Variants in CYGB observed in about 807,000 individuals in gnomAD.
The protein encoded by CYGB is cytoglobin.
CYGB carries 13 observed loss-of-function variants against 20.7 expected under a neutral mutation model. That is an observed-to-expected ratio of 0.63 (90% CI 0.41 to 1.00). The LOEUF (loss-of-function observed/expected upper bound fraction) is 1.00. CYGB is among the 50% of genes least tolerant of loss of function. The pLI is 0.00. For missense variants in CYGB, 218 were observed against 257.2 expected (o/e 0.85, Z 1.04); for synonymous variants, 93 against 107.4 (o/e 0.87, Z 0.83).
In CYGB at chr17:76,531,705, C is replaced by A; in HGVS notation, c.144-14G>T. The A allele has an allele frequency of 6.4e-7, 1 of 1,573,174 alleles. No homozygotes were observed. The highest frequency in any genetic ancestry group is 8.7e-7 in the Non-Finnish European group (1 of 1,151,564). On this transcript the variant is annotated splice_polypyrimidine_tract_variant and intron_variant, in intron 1 of 3. Coordinates refer to ENST00000293230, the MANE Select transcript of CYGB (RefSeq NM_134268.5). The surrounding 1 kb of genome is among the most constrained non-coding windows in gnomAD (Gnocchi z 7.4). ...TTCACAAAGAACCTGGCAAGAGGAA[C>A]AGGGGTGGTCGCTGAAGCTGGAGGC...
At chr17:76,538,498 A>C (rs2074949709), upstream of CYGB, 1 of 466,866 alleles carries the variant, frequency 2.1e-6, no homozygotes, top group South Asian at 1.6e-5. Context: ...CTTATGAATG[A>C]CACGGACAGG....
chr17:76,543,779 T>G (rs2075019848), intron 1 of CYGB: 1 of 470,632 alleles, frequency 2.1e-6, no homozygotes, highest in Non-Finnish European at 4.4e-6. Flanking sequence ...GGCACTCGCT[T>G]TTGTGTCATT....
chr17:76,541,190 C>G (rs1567911599), upstream of CYGB, among the ~76,000 whole-genome samples: 1 of 152,120 alleles, frequency 6.6e-6, no homozygotes, highest in African/African-American at 2.4e-5. Context: ...CAGTGTCGTT[C>G]GATGATAGGG....
Position 76,528,537 on chromosome 17 carries a change from T to C in CYGB, c.*41A>G. The C allele has an allele frequency of 7.8e-7, 1 of 1,277,286 alleles. No homozygotes were observed. Among genetic ancestry groups the C allele is most frequent in the Non-Finnish European group, 1.0e-6 (1 of 1,001,500 alleles). The allele number at this position is 1,277,286 out of a possible 1,614,324, so 79.1% of individuals were successfully genotyped here. On this transcript the variant is annotated 3_prime_UTR_variant, in exon 4 of 4. Transcript: ENST00000293230. The surrounding 1 kb of genome is among the most constrained non-coding windows in gnomAD (Gnocchi z 5.8). ...GGAGGGTCTTCAGAACTCGGCCTTC[T>C]GCTCGAGGTGCTGCCAGGGAGGGGG...
intron 3 of CYGB, chr17:76,529,719 T>TG (rs2074812237): frequency 4.7e-5 from 46 of 984,938 alleles, no homozygotes; most frequent in Non-Finnish European, 5.4e-5. Flanking sequence ...TGACAGCTGG[T>TG]GGGGGGTGAG....
At position 76,533,581 on chromosome 17, in the gene CYGB, G is replaced by T. The variant is rs911658553; in HGVS notation, c.144-1890C>A. ...TCTACAAAATACAAAAAATTAGCCA[G>T]GTGTGGTGGCACACACCTTTGATTC... On this transcript the variant is annotated intron_variant, in intron 1 of 3. Transcript: ENST00000293230. The surrounding 1 kb of genome is among the most constrained non-coding windows in gnomAD (Gnocchi z 4.5). 2.0e-5 allele frequency among the ~76,000 whole-genome samples: 3 copies of T among 151,866 alleles called. No homozygotes were observed. The highest frequency in any genetic ancestry group is 7.3e-5 in the African/African-American group (3 of 41,306).
intron 1 of CYGB, among the ~76,000 whole-genome samples, chr17:76,534,162 C>CTCTCTG (rs2074887237): frequency 6.7e-6 from 1 of 148,384 alleles, no homozygotes; most frequent in East Asian, 1.9e-4. Flanking sequence ...CTCTCTCTCT[C>CTCTCTG]TCTCTCTCTC....
chr17:76,527,945 C>A lies in CYGB; in HGVS notation c.*633G>T, dbSNP rs925479038. ...AAGGGGCTGGGCTTTGCCGCCAAGC[C>A]GGGTTGCCCCAGCCCTGCCCCTCCA... On this transcript the variant is annotated 3_prime_UTR_variant, in exon 4 of 4. Coordinates refer to ENST00000293230, the MANE Select transcript of CYGB (RefSeq NM_134268.5). The A allele has an allele frequency of 3.4e-4, 131 of 387,280 alleles. 1 individual carries two copies. Among genetic ancestry groups the A allele is most frequent in the South Asian group, 2.4e-3 (127 of 53,940 alleles). 24.0% of individuals were successfully genotyped at this position (387,280 alleles called of 1,614,324 possible). A position where few individuals can be genotyped will look rare whatever the true frequency, so the allele number is the denominator to read the frequency against.
upstream of CYGB, among the ~76,000 whole-genome samples, chr17:76,542,009 T>C (rs2074997620): frequency 6.6e-6 from 1 of 152,168 alleles, no homozygotes; most frequent in South Asian, 2.1e-4. Flanking sequence ...ATTAAGTCAC[T>C]CGGGAGGCTC....
chr17:76,536,500 C>A (rs2074915678), intron 1 of CYGB, among the ~76,000 whole-genome samples: 1 of 152,176 alleles, frequency 6.6e-6, no homozygotes, highest in Admixed American at 6.5e-5. Flanking sequence ...CCCCAGGGAC[C>A]AGCACGTGTG....
chr17:76,540,258 GGGGGGCAT>G, upstream of CYGB: 1 of 1,100,862 alleles, frequency 9.1e-7, no homozygotes, highest in Non-Finnish European at 1.4e-6. This position sits in a 1 kb window ranked among gnomAD's most constrained non-coding sequence, Gnocchi z 5.0. Context: ...GGTCGGGGGG[GGGGGGCAT>G]GGGGCTGGGC....
At position 76,533,905 on chromosome 17, in the gene CYGB, T is replaced by C. The variant is rs949497370; in HGVS notation, c.144-2214A>G. ...AATTGGCTGGGTGTGGTGGTGCCCG[T>C]CTGTAGTCCTAGCTACTTGGGAGGC... On this transcript the variant is annotated intron_variant, in intron 1 of 3. Coordinates refer to ENST00000293230, the MANE Select transcript of CYGB (RefSeq NM_134268.5). This position sits in a 1 kb window ranked among gnomAD's most constrained non-coding sequence, Gnocchi z 4.5. Among the ~76,000 whole-genome samples, 2 of 151,838 alleles carry C rather than the reference T, an allele frequency of 1.3e-5. No individual in the cohort carries two copies. The highest frequency in any genetic ancestry group is 2.9e-5 in the Non-Finnish European group (2 of 67,954).
chr17:76,540,254 GGGGGGGGGGCA>G, upstream of CYGB: 2 of 887,856 alleles, frequency 2.3e-6, no homozygotes, highest in Non-Finnish European at 3.4e-6. The surrounding 1 kb of genome is among the most constrained non-coding windows in gnomAD (Gnocchi z 5.0). Context: ...GGTTGGTCGG[GGGGGGGGGGCA>G]TGGGGCTGGG....
At position 76,546,270 on chromosome 17, in the gene CYGB, G is replaced by T. The variant is rs1413691771; in HGVS notation, c.-53+4592C>A. The T allele has an allele frequency of 6.6e-6, 1 of 152,126 alleles. No homozygotes were observed. Among genetic ancestry groups the T allele is most frequent in the African/African-American group, 2.4e-5 (1 of 41,400 alleles). 9.4% of individuals were successfully genotyped at this position (152,126 alleles called of 1,614,324 possible). Reference sequence around the variant, plus strand: ...TGCTCCTGCAACTGAGGCTCAGAGCGGCTGCCAGTCTCTCCTGGAGACTGG... The same window carrying T: ...TGCTCCTGCAACTGAGGCTCAGAGCTGCTGCCAGTCTCTCCTGGAGACTGG... On this transcript the variant is annotated intron_variant, in intron 1 of 3. Coordinates refer to the CYGB transcript ENST00000589145. The surrounding 1 kb of genome is among the most constrained non-coding windows in gnomAD (Gnocchi z 4.5).
intron 1 of CYGB, among the ~76,000 whole-genome samples, chr17:76,534,723 C>T (rs1355855299): frequency 6.6e-6 from 1 of 152,232 alleles, no homozygotes; most frequent in Non-Finnish European, 1.5e-5. Flanking sequence ...AGTTTCCCTA[C>T]ACTGCCTGGA....
intron 1 of CYGB, among the ~76,000 whole-genome samples, chr17:76,549,421 A>G (rs2075086313): frequency 6.6e-6 from 1 of 152,226 alleles, no homozygotes; most frequent in Admixed American, 6.5e-5. Flanking sequence ...GCAAATCAAA[A>G]GCCCAATGAC....
chr17:76,535,211 C>G (rs182680481), intron 1 of CYGB, among the ~76,000 whole-genome samples: 2 of 152,354 alleles, frequency 1.3e-5, no homozygotes, highest in African/African-American at 2.4e-5. Flanking sequence ...GGAAGTGCAG[C>G]TGCCTCCTTC....
At chr17:76,539,140 G>T (rs1010994398), upstream of CYGB, among the ~76,000 whole-genome samples, 1 of 152,052 alleles carries the variant, frequency 6.6e-6, no homozygotes, top group Non-Finnish European at 1.5e-5. Flanking sequence ...AGGGGAGCGG[G>T]TGGGTTCAGG....
In CYGB at chr17:76,530,466, G is replaced by A. The variant is rs1444561351; in HGVS notation, c.539+513C>T. On this transcript the variant is annotated intron_variant, in intron 3 of 3. Coordinates refer to ENST00000293230, the MANE Select transcript of CYGB (RefSeq NM_134268.5). This position sits in a 1 kb window ranked among gnomAD's most constrained non-coding sequence, Gnocchi z 6.1. The stretch of plus-strand genomic sequence containing the variant: ...TGAGCGACACCCATGTAGCTTCCTC[G>A]TGGGCTGGGGTGTGTGTGTGTGTGT... 2.6e-5 allele frequency among the ~76,000 whole-genome samples: 4 copies of A among 152,310 alleles called. No individual in the cohort carries two copies. The highest frequency in any genetic ancestry group is 1.3e-4 in the Admixed American group (2 of 15,306).
Sources: gnomAD v4.1 joint callset for allele counts (sites outside exome capture counted in the v4.1 genomes callset) on GRCh38, gnomAD v4.1.1 for gene constraint, Gnocchi (gnomAD v3.1) non-coding constraint, MANE v1.5 for transcripts, NCBI Gene and HGNC (gene_info 2026-07-23, HGNC 2026-07-21) for gene names.